The following TENM3 variants were observed in gnomAD, a reference collection of about 807,000 sequenced individuals.
TENM3 encodes the protein teneurin-3.
A neutral mutation model predicts 255.1 loss-of-function variants in TENM3; 63 were observed. The observed-to-expected ratio is 0.25, with a 90% CI of 0.20 to 0.30. The LOEUF is 0.30. TENM3 is among the 10% of genes least tolerant of loss of function. The pLI is 1.00. For missense variants in TENM3, 2,929 were observed against 3,461.1 expected, an observed-to-expected ratio of 0.85 and a Z score of 3.86; for synonymous variants, 1,306 against 1,322.3, an observed-to-expected ratio of 0.99 and a Z score of 0.27.
At chr4:182,122,392 A>G in the TENM3 span, among the ~76,000 whole-genome samples, 1 of 152,222 alleles carries the variant, frequency 6.6e-6, no homozygotes, top group Non-Finnish European at 1.5e-5. Flanking sequence ...GTCTTGCAAA[A>G]TGTATTTCTT....
At chr4:182,314,364 A>C (rs1464918325) in intron 1 of TENM3, among the ~76,000 whole-genome samples, 2 of 152,146 alleles carry the variant, frequency 1.3e-5, no homozygotes, top group African/African-American at 2.4e-5. Flanking sequence ...TGCTTCTTAC[A>C]ATGTCATGTC....
the TENM3 span, among the ~76,000 whole-genome samples, chr4:181,649,851 C>T: frequency 6.6e-6 from 1 of 152,108 alleles, no homozygotes; most frequent in African/African-American, 2.4e-5. Flanking sequence ...TGTCGTGGTA[C>T]AGAGATAATG....
the TENM3 span, among the ~76,000 whole-genome samples, chr4:181,723,091 G>T: frequency 4.1e-4 from 62 of 152,020 alleles, no homozygotes; most frequent in Admixed American, 9.2e-4. Context: ...ACAGGAACAT[G>T]GAGGGGACAC....
At chr4:181,927,185 G>A in the TENM3 span, among the ~76,000 whole-genome samples, 1 of 152,152 alleles carries the variant, frequency 6.6e-6, no homozygotes, top group East Asian at 1.9e-4. Context: ...CCAGAAAAGG[G>A]ACCGAGTCCA....
At chr4:181,503,271 T>A in the TENM3 span, among the ~76,000 whole-genome samples, 1 of 152,024 alleles carries the variant, frequency 6.6e-6, no homozygotes, top group East Asian at 1.9e-4. Flanking sequence ...GAGGCTGAGG[T>A]GGAAGGATTG....
chr4:182,730,067 T>G, intron 14 of TENM3, 133 bp from the exon 15 acceptor site: 1 of 1,052,406 alleles, frequency 9.5e-7, no homozygotes, highest in Non-Finnish European at 1.4e-6. Context: ...GTATTTCAGG[T>G]CTGATTTTTG....
the TENM3 span, among the ~76,000 whole-genome samples, chr4:181,815,988 G>A: frequency 3.9e-5 from 6 of 152,092 alleles, no homozygotes; most frequent in African/African-American, 7.2e-5. Context: ...AAAAACTTAC[G>A]GGTAAATCAA....
chr4:182,506,214 T>C (rs1736803829), intron 3 of TENM3, among the ~76,000 whole-genome samples: 1 of 152,216 alleles, frequency 6.6e-6, no homozygotes, highest in Non-Finnish European at 1.5e-5. Context: ...ATGTTTATAA[T>C]GTGTAAGCCC....
At chr4:181,501,831 G>T in the TENM3 span, among the ~76,000 whole-genome samples, 46,195 of 152,076 alleles carry the variant, frequency 0.3, 7,393 homozygotes, top group East Asian at 0.45. Context: ...ATGATTTCAA[G>T]TCGGTGCTAT....
intron 15 of TENM3, 132 bp downstream of exon 15, chr4:182,730,451 G>A: frequency 1.0e-6 from 1 of 965,872 alleles, no homozygotes; most frequent in South Asian, 1.7e-5. Flanking sequence ...ACAAACTTGT[G>A]ACAGTACATA....
chr4:182,151,337 AAG>A (rs1750335299), intron 1 of TENM3, among the ~76,000 whole-genome samples: 1 of 152,134 alleles, frequency 6.6e-6, no homozygotes, highest in African/African-American at 2.4e-5. Flanking sequence ...TTTTGGTAAA[AAG>A]TACGCTATTG....
chr4:182,436,532 ATT>A (rs1415372083), intron 3 of TENM3, among the ~76,000 whole-genome samples: 1 of 152,212 alleles, frequency 6.6e-6, no homozygotes, highest in Admixed American at 6.5e-5. Context: ...GGAACGCCTT[ATT>A]TCAAGTTGTT....
intron 9 of TENM3, 21 bp from the exon 10 acceptor site, chr4:182,680,522 C>G: frequency 6.2e-7 from 1 of 1,610,172 alleles, no homozygotes; most frequent in Non-Finnish European, 8.5e-7. Context: ...TGTAATTCTT[C>G]TGTCGTGTCT....
chr4:182,736,720 AAT>A, intron 16 of TENM3, 86 bp from the exon 17 acceptor site: 1 of 1,259,412 alleles, frequency 7.9e-7, no homozygotes, highest in African/African-American at 1.5e-5. Context: ...ACTATTCACA[AAT>A]ATAGTGAATA....
At chr4:182,535,893 G>A (rs1300186775) in intron 3 of TENM3, among the ~76,000 whole-genome samples, 1 of 152,058 alleles carries the variant, frequency 6.6e-6, no homozygotes, top group East Asian at 1.9e-4. Context: ...TATGTGAAAT[G>A]TTTAGAACAG....
At chr4:181,917,658 T>C in the TENM3 span, among the ~76,000 whole-genome samples, 2 of 150,498 alleles carry the variant, frequency 1.3e-5, no homozygotes, top group African/African-American at 2.5e-5. Context: ...TTCTTTTTTT[T>C]TTTTCTTTTT....
chr4:181,510,427 G>A, the TENM3 span, among the ~76,000 whole-genome samples: 1 of 152,166 alleles, frequency 6.6e-6, no homozygotes, highest in African/African-American at 2.4e-5. Context: ...ATAATTTTCT[G>A]GTCCATCCAC....
the TENM3 span, among the ~76,000 whole-genome samples, chr4:181,843,410 C>T: frequency 3.9e-5 from 6 of 152,160 alleles, no homozygotes; most frequent in African/African-American, 1.4e-4. Flanking sequence ...AAGGTAGCCC[C>T]TGATATATAC....
At chr4:181,805,377 G>A in the TENM3 span, among the ~76,000 whole-genome samples, 1 of 151,842 alleles carries the variant, frequency 6.6e-6, no homozygotes, top group African/African-American at 2.4e-5. Flanking sequence ...GAAGCCCCTT[G>A]CCTCAGGCTT....
Sources: gnomAD v4.1 joint callset for allele counts (sites outside exome capture counted in the v4.1 genomes callset) on GRCh38, gnomAD v4.1.1 for gene constraint, MANE v1.5 for transcripts, NCBI Gene and HGNC (gene_info 2026-07-23, HGNC 2026-07-21) for gene names.